Variants in CCDC142 observed in about 807,000 individuals in gnomAD.
CCDC142 encodes the protein coiled-coil domain-containing protein 142.
Under a neutral mutation model 83.8 loss-of-function variants are expected in CCDC142, and 67 were observed. The ratio of observed to expected loss-of-function variants is 0.80; its 90% CI spans 0.66 to 0.98. The LOEUF (loss-of-function observed/expected upper bound fraction) is 0.98. Ranked by LOEUF, CCDC142 falls within the 50% of genes least tolerant of loss-of-function variation. The probability of loss-of-function intolerance (pLI) is 0.00; values close to 1 mark genes in which losing one functional copy is unlikely to be tolerated. For missense variants in CCDC142, 905 were observed against 946.8 expected (o/e 0.96, Z 0.58); for synonymous variants, 421 against 421.2 (o/e 1.00, Z 0.01).
At position 74,481,342 on chromosome 2, in the gene CCDC142, C is replaced by G; in HGVS notation, c.1139G>C (p.Gly380Ala). ...GFCQALGSAL[G>A]GQSSLPTSSG... is the part of the protein sequence containing the mutation. ...GGATGTGGGAAGGCTGCTCTGACCC[C>G]CAAGAGCTGATCCCAAGGCCTGGCA... is the stretch of plus-strand genomic sequence containing the variant. Residue 380 changes from glycine (G) to alanine (A), a missense_variant, in exon 3 of 9, where the codon GGG becomes GCG. Gly to Ala is a moderately conservative substitution (Grantham distance 60). Coordinates refer to ENST00000393965, the MANE Select transcript of CCDC142 (RefSeq NM_001365575.2). 1.9e-6 allele frequency: 3 copies of G among 1,614,080 alleles called. No homozygotes were observed. The highest frequency in any genetic ancestry group is 1.1e-5 in the South Asian group (1 of 91,070).
chr2:74,482,062 GC>G lies in CCDC142; in HGVS notation c.775del (p.Ala259ArgfsTer2). On this transcript the variant is annotated frameshift_variant, in exon 1 of 9. Coordinates refer to ENST00000393965, the MANE Select transcript of CCDC142 (RefSeq NM_001365575.2). LOFTEE classifies it high-confidence loss of function. This position sits in a 1 kb window ranked among gnomAD's most constrained non-coding sequence, Gnocchi z 5.0. ...SRLDEALQGS[A>X]LRDQLRRRCQ... The stretch of plus-strand genomic sequence containing the variant: ...CCGCCTGCGGAGCTGGTCCCTCAAC[GC>G]CGATCCTTGGAGCGCCTCGTCCAGC... The G allele has an allele frequency of 6.2e-7, 1 of 1,613,546 alleles. No homozygotes were observed. Among genetic ancestry groups the G allele is most frequent in the Middle Eastern group, 1.6e-4 (1 of 6,062 alleles).
chr2:74,482,193 T>C lies in CCDC142; in HGVS notation c.645A>G (p.Leu215=). 1 of 1,613,608 alleles carries C rather than the reference T, an allele frequency of 6.2e-7. No individual in the cohort carries two copies. ...LLFALPAYHT[L]QRKALSHVPG... ...GGACGTGGCTCAAGGCTTTTCTCTG[T>C]AGTGTGTGGTAGGCGGGAAGTGCAA... The change falls in exon 1 of 9, where the codon CTA becomes CTG. Residue 215 remains leucine (L), a synonymous_variant. Coordinates refer to ENST00000393965, the MANE Select transcript of CCDC142 (RefSeq NM_001365575.2). This position sits in a 1 kb window ranked among gnomAD's most constrained non-coding sequence, Gnocchi z 5.0.
At chr2:74,480,481 C>T (rs1383520315) in intron 5 of CCDC142, among the ~76,000 whole-genome samples, 1 of 151,048 alleles carries the variant, frequency 6.6e-6, no homozygotes, top group African/African-American at 2.4e-5. Context: ...GTCTCAGCTA[C>T]TAGGGAGGCT....
rs771290858 is a variant in CCDC142 at position 74,474,758 on chromosome 2, G to A, written c.2041C>T (p.Leu681Phe). The change falls in exon 9 of 9, where the codon CTC becomes TTC. Residue 681 changes from leucine to phenylalanine, a missense_variant. Physicochemically the swap from Leu to Phe is conservative, Grantham distance 22. This residue lies in a region of CCDC142 where 265 missense variants were observed against 288.9 expected (regional missense o/e 0.92). Transcript: ENST00000393965. Reference sequence around the variant, plus strand: ...GGCTCCAAGCTCTCCAGGCTATTGAGGCAGCTGCTGGGCAATTTCGTGGTC... The same window carrying A: ...GGCTCCAAGCTCTCCAGGCTATTGAAGCAGCTGCTGGGCAATTTCGTGGTC... ...VQTTKLPSSC[L>F]NSLESLEPPL... The A allele has an allele frequency of 8.1e-6, 13 of 1,613,458 alleles. No individual in the cohort carries two copies. Among genetic ancestry groups the A allele is most frequent in the Non-Finnish European group, 1.0e-5 (12 of 1,179,636 alleles).
Position 74,474,615 on chromosome 2 carries a change from G to A in CCDC142, c.2184C>T (p.Leu728=). Residue 728 remains leucine (L), a synonymous_variant, in exon 9 of 9, where the codon CTC becomes CTT. Coordinates refer to ENST00000393965, the MANE Select transcript of CCDC142 (RefSeq NM_001365575.2). The part of the protein sequence containing the change: ...LVGNQQAWLA[L]RQHQRPRWHL... The stretch of plus-strand genomic sequence containing the variant: ...GCCAACGGGGTCGCTGGTGTTGCCT[G>A]AGGGCAAGCCAGGCCTGCTGATTTC... The A allele has an allele frequency of 6.8e-6, 11 of 1,614,242 alleles. No individual in the cohort carries two copies. The highest frequency in any genetic ancestry group is 2.2e-5 in the East Asian group (1 of 44,884).
In CCDC142 at chr2:74,475,636, A is replaced by G; in HGVS notation, c.1594T>C (p.Tyr532His). 1.2e-6 allele frequency: 2 copies of G among 1,614,022 alleles called. No individual in the cohort carries two copies. The highest frequency in any genetic ancestry group is 1.7e-6 in the Non-Finnish European group (2 of 1,179,902). ...CCAGGACAGAGACGAAGCCGCCAGTACCGACCCCGTGGCATGTAGAGCTTG... is the reference window on the plus strand; with the variant it reads ...CCAGGACAGAGACGAAGCCGCCAGTGCCGACCCCGTGGCATGTAGAGCTTG... ...GFKLYMPRGR[Y>H]WRLRLCPEPP... is the part of the protein sequence containing the mutation. Residue 532 changes from tyrosine to histidine, a missense_variant, in exon 6 of 9, where the codon TAC becomes CAC. By Grantham distance (83) the Tyr-to-His change is moderately conservative (BLOSUM62 2). This residue lies in a region of CCDC142 where 265 missense variants were observed against 288.9 expected (regional missense o/e 0.92). Coordinates refer to ENST00000393965, the MANE Select transcript of CCDC142 (RefSeq NM_001365575.2).
rs1261063958 is a variant in CCDC142, at chr2:74,482,528, G to C, written c.310C>G (p.Gln104Glu). 7.6e-6 allele frequency: 12 copies of C among 1,582,504 alleles called. No homozygotes were observed. Among genetic ancestry groups the C allele is most frequent in the African/African-American group, 4.1e-5 (3 of 74,000 alleles). ...GCGCAGTCTCGGGCCTGGAGGAGCT[G>C]CTCCCGCTCGCGATGCAGCCGCAGC... ...VLLRLHRERE[Q>E]LLQARDCAYH... is the part of the protein sequence containing the mutation. The change falls in exon 1 of 9, where the codon CAG (glutamine) becomes GAG (glutamate). Residue 104 changes from glutamine to glutamate, a missense_variant. Coordinates refer to ENST00000393965, the MANE Select transcript of CCDC142 (RefSeq NM_001365575.2). The surrounding 1 kb of genome is among the most constrained non-coding windows in gnomAD (Gnocchi z 5.0).
rs1193841560 is a variant in CCDC142, at chr2:74,474,023, C to T, written c.*523G>A. 6.6e-6 allele frequency: 1 copy of T among 151,472 alleles called. No individual in the cohort carries two copies. Among genetic ancestry groups the T allele is most frequent in the Non-Finnish European group, 1.5e-5 (1 of 68,086 alleles). 9.4% of individuals were successfully genotyped at this position (151,472 alleles called of 1,614,324 possible). On this transcript the variant is annotated 3_prime_UTR_variant, in exon 9 of 9. Coordinates refer to ENST00000393965, the MANE Select transcript of CCDC142 (RefSeq NM_001365575.2). ...CCGACCTCAGGTGATCCGCCTGCCT[C>T]AGCCTCCCAAAGTGCTGGGATTATA...
chr2:74,473,028 A>T lies in CCDC142; in HGVS notation c.*1518T>A. 3.2e-6 allele frequency: 1 copy of T among 315,518 alleles called. No individual in the cohort carries two copies. Among genetic ancestry groups the T allele is most frequent in the Non-Finnish European group, 6.0e-6 (1 of 166,250 alleles). The allele number at this position is 315,518 out of a possible 1,614,324, so 19.5% of individuals were successfully genotyped here. On this transcript the variant is annotated 3_prime_UTR_variant, in exon 9 of 9. Coordinates refer to ENST00000393965, the MANE Select transcript of CCDC142 (RefSeq NM_001365575.2). ...CCACATCTAGGCTAACTCGATCTTA[A>T]ATCCTGGCTTCTTCCAAAGAGAGAG... is the stretch of plus-strand genomic sequence containing the variant.
rs1256200905 is a variant in CCDC142 at position 74,474,922 on chromosome 2, A to AG, written c.1989dup (p.Cys664LeufsTer20). On this transcript the variant is annotated frameshift_variant, in exon 8 of 9. Coordinates refer to ENST00000393965, the MANE Select transcript of CCDC142 (RefSeq NM_001365575.2). LOFTEE classifies it high-confidence loss of function. ...GCGAAGGGGAGTAACTCACAGCAAC[A>AG]GGGGGGCCTCCTGTGGACTTGAGAC... 3 of 1,593,348 alleles carry AG rather than the reference A, an allele frequency of 1.9e-6. No individual in the cohort carries two copies. Among genetic ancestry groups the AG allele is most frequent in the Admixed American group, 1.7e-5 (1 of 57,880 alleles).
Position 74,475,279 on chromosome 2 carries a change from G to A in CCDC142, c.1742C>T (p.Thr581Met), listed in dbSNP as rs758691905. ...GTCAAGCCAGGCACCCACGATGGCC[G>A]TCAGAGCCTGACCAAGGGCAGGGGC... ...AQAPALGQAL[T>M]AIVGAWLDHI... Residue 581 changes from threonine (T) to methionine (M), a missense_variant, in exon 7 of 9, where the codon ACG becomes ATG. This residue lies in a region of CCDC142 where 265 missense variants were observed against 288.9 expected (regional missense o/e 0.92). Transcript: ENST00000393965. 9 of 1,614,096 alleles carry A rather than the reference G, an allele frequency of 5.6e-6. No individual in the cohort carries two copies. Among genetic ancestry groups the A allele is most frequent in the African/African-American group, 1.3e-5 (1 of 74,936 alleles).
rs1226568380 is a variant in CCDC142 at position 74,482,097 on chromosome 2, C to T, written c.741G>A (p.Val247=). 6.2e-7 allele frequency: 1 copy of T among 1,613,520 alleles called. No homozygotes were observed. The change falls in exon 1 of 9, where the codon GTG becomes GTA. Residue 247 remains valine, a synonymous_variant. Transcript: ENST00000393965. This position sits in a 1 kb window ranked among gnomAD's most constrained non-coding sequence, Gnocchi z 5.0. ...RLLTGERGCQ[V]ASRLDEALQG... is the part of the protein sequence containing the mutation. ...GGAGCGCCTCGTCCAGCCGACTTGC[C>T]ACCTGGCAACCCCGCTCCCCCGTCA...
rs2104002017 is a variant in CCDC142, at chr2:74,473,238, C to G, written c.*1308G>C. ...GGGTAATACTGTCCTTGGGGCTGAT[C>G]CAGGTATAGAAATGCCTATTAAACC... On this transcript the variant is annotated 3_prime_UTR_variant, in exon 9 of 9. Coordinates refer to ENST00000393965, the MANE Select transcript of CCDC142 (RefSeq NM_001365575.2). 1 of 159,726 alleles carries G rather than the reference C, an allele frequency of 6.3e-6. No homozygotes were observed. The highest frequency in any genetic ancestry group is 1.6e-4 in the South Asian group (1 of 6,450). 9.9% of individuals were successfully genotyped at this position (159,726 alleles called of 1,614,324 possible).
chr2:74,481,585 C>A (rs1341452766), intron 1 of CCDC142, 47 bp from the exon 2 acceptor site: 2 of 1,560,358 alleles, frequency 1.3e-6, no homozygotes, highest in African/African-American at 2.7e-5. Flanking sequence ...GTCTCACTTT[C>A]CACAACCCCT....
rs372845610 is a variant in CCDC142 at position 74,482,449 on chromosome 2, G to T, written c.389C>A (p.Pro130Gln). 1.5e-5 allele frequency: 23 copies of T among 1,553,132 alleles called. No individual in the cohort carries two copies. The East Asian group carries it at 4.9e-4, about 33-fold the overall frequency. ...GGGCAAGGGGCTAGGGCCGCCGGATGGCGAGCCAGGACTCAGGGTCTTCAT... is the reference window on the plus strand; with the variant it reads ...GGGCAAGGGGCTAGGGCCGCCGGATTGCGAGCCAGGACTCAGGGTCTTCAT... ...RLMKTLSPGS[P>Q]SGGPSPLPQW... is the part of the protein sequence containing the mutation. The change falls in exon 1 of 9, where the codon CCA (proline) becomes CAA (glutamine). Residue 130 changes from proline to glutamine, a missense_variant. Physicochemically the swap from Pro to Gln is moderately conservative, Grantham distance 76 (BLOSUM62 -1). Around this residue, in one of 3 missense-constraint regions of CCDC142, gnomAD observed 591 missense variants for 571.4 expected, o/e 1.03. Transcript: ENST00000393965. This position sits in a 1 kb window ranked among gnomAD's most constrained non-coding sequence, Gnocchi z 5.0.
At chr2:74,477,616 C>A (rs1223268399) in intron 5 of CCDC142, among the ~76,000 whole-genome samples, 1 of 152,206 alleles carries the variant, frequency 6.6e-6, no homozygotes, top group Non-Finnish European at 1.5e-5. Context: ...GTAACCCCAG[C>A]CACTCCTCTG....
At position 74,482,138 on chromosome 2, in the gene CCDC142, G is replaced by C; in HGVS notation, c.700C>G (p.Arg234Gly). 2.5e-6 allele frequency: 4 copies of C among 1,613,720 alleles called. No individual in the cohort carries two copies. Among genetic ancestry groups the C allele is most frequent in the Non-Finnish European group, 3.4e-6 (4 of 1,179,962 alleles). The change falls in exon 1 of 9, where the codon CGT becomes GGT. Residue 234 changes from arginine to glycine, a missense_variant. Physicochemically the swap from Arg to Gly is moderately radical, Grantham distance 125. Coordinates refer to ENST00000393965, the MANE Select transcript of CCDC142 (RefSeq NM_001365575.2). This position sits in a 1 kb window ranked among gnomAD's most constrained non-coding sequence, Gnocchi z 5.0. ...TCCCCCGTCAAGAGGCGGAGCACACGGGACGTGGGGAAAGGACGTGCGGCC... is the reference window on the plus strand; with the variant it reads ...TCCCCCGTCAAGAGGCGGAGCACACCGGACGTGGGGAAAGGACGTGCGGCC... ...PGAARPFPTS[R>G]VLRLLTGERG... is the part of the protein sequence containing the mutation.
At chr2:74,478,003 T>A (rs534782903) in intron 5 of CCDC142, among the ~76,000 whole-genome samples, 28 of 146,718 alleles carry the variant, frequency 1.9e-4, no homozygotes, top group South Asian at 4.2e-4. Flanking sequence ...AAAAAATATA[T>A]ATATATATAA....
rs752358186 is a variant in CCDC142 at position 74,474,943 on chromosome 2, G to C, written c.1969C>G (p.Gln657Glu). Residue 657 changes from glutamine (Q) to glutamate (E), a missense_variant, in exon 8 of 9, where the codon CAA (glutamine) becomes GAA (glutamate). This residue lies in a region of CCDC142 where 265 missense variants were observed against 288.9 expected (regional missense o/e 0.92). Transcript: ENST00000393965. ...CLLQQPLPKS[Q>E]VHRRPPCCCA... ...CAACAGGGGGGCCTCCTGTGGACTT[G>C]AGACTTGGGCAGGGGCTGCTGCAAC... 2 of 1,603,634 alleles carry C rather than the reference G, an allele frequency of 1.2e-6. No homozygotes were observed. Among genetic ancestry groups the C allele is most frequent in the South Asian group, 2.2e-5 (2 of 89,304 alleles).
Sources: gnomAD v4.1 joint callset for allele counts (sites outside exome capture counted in the v4.1 genomes callset) on GRCh38, gnomAD v4.1.1 for gene constraint, gnomAD v4.1.1 regional missense constraint, Gnocchi (gnomAD v3.1) non-coding constraint, MANE v1.5 for transcripts, NCBI Gene and HGNC (gene_info 2026-07-23, HGNC 2026-07-21) for gene names.